PIWIL2: variants seen among roughly 807,000 people sequenced by gnomAD.
PIWIL2 encodes the protein piwi like RNA-mediated gene silencing 2.
PIWIL2 carries 81 observed loss-of-function variants against 116.5 expected under a neutral mutation model. That is an observed-to-expected ratio of 0.70 (90% CI 0.58 to 0.84). The LOEUF (loss-of-function observed/expected upper bound fraction) is 0.84, where lower values mean the gene tolerates loss of function less well. PIWIL2 is among the 40% of genes least tolerant of loss of function. The probability of loss-of-function intolerance (pLI) is 0.00; values close to 1 mark genes in which losing one functional copy is unlikely to be tolerated. For missense variants in PIWIL2, 1,272 were observed against 1,212.3 expected, an observed-to-expected ratio of 1.05 and a Z score of -0.73; for synonymous variants, 489 against 429.5, an observed-to-expected ratio of 1.14 and a Z score of -1.71.
At chr8:22,345,351 A>G (rs1311500078) in intron 20 of PIWIL2, among the ~76,000 whole-genome samples, 1 of 152,220 alleles carries the variant, frequency 6.6e-6, no homozygotes, top group African/African-American at 2.4e-5. Context: ...ATTATTCATA[A>G]TGGCCAGAAA....
intron 20 of PIWIL2, among the ~76,000 whole-genome samples, chr8:22,331,910 T>G (rs1354617055): frequency 6.6e-6 from 1 of 152,112 alleles, no homozygotes; most frequent in East Asian, 1.9e-4. Flanking sequence ...TCTGAGGTAC[T>G]GGGGGTTAGG....
intron 5 of PIWIL2, among the ~76,000 whole-genome samples, chr8:22,283,709 A>G (rs1232058549): frequency 6.6e-6 from 1 of 152,190 alleles, no homozygotes; most frequent in Non-Finnish European, 1.5e-5. Flanking sequence ...GTGTCCGGCC[A>G]AGGTGGGACA....
rs1429281005 is a variant in PIWIL2, at chr8:22,288,732, A to C, written c.986+66A>C. ...TCTTGTATTTACAGTAATGTTCTTC[A>C]AGATACTTGGATGGAAATACGTGAC... On this transcript the variant is annotated intron_variant, in intron 8 of 22. Coordinates refer to ENST00000356766, the MANE Select transcript of PIWIL2 (RefSeq NM_018068.5). The C allele has an allele frequency of 8.6e-6, 12 of 1,392,766 alleles. No individual in the cohort carries two copies. The Admixed American group carries it at 2.2e-4, about 26-fold the overall frequency. The allele number at this position is 1,392,766 out of a possible 1,614,324, so 86.3% of individuals were successfully genotyped here.
intron 13 of PIWIL2, among the ~76,000 whole-genome samples, chr8:22,307,213 G>A (rs980651070): frequency 6.6e-6 from 1 of 152,018 alleles, no homozygotes; most frequent in Admixed American, 6.6e-5. Flanking sequence ...ATACAGATGG[G>A]GTCTAGCTAT....
intron 20 of PIWIL2, among the ~76,000 whole-genome samples, chr8:22,331,795 T>C (rs1831867765): frequency 1.3e-5 from 2 of 152,008 alleles, no homozygotes; most frequent in African/African-American, 4.8e-5. Context: ...CCTCATCTCC[T>C]CTTCTTATGA....
At chr8:22,298,204 G>A (rs1431896546) in intron 10 of PIWIL2, among the ~76,000 whole-genome samples, 1 of 152,014 alleles carries the variant, frequency 6.6e-6, no homozygotes, top group East Asian at 1.9e-4. Context: ...TGCAGTGAGT[G>A]TGAGCCATAA....
chr8:22,349,507 T>C (rs1832308838), intron 20 of PIWIL2, among the ~76,000 whole-genome samples: 1 of 151,426 alleles, frequency 6.6e-6, no homozygotes, highest in Admixed American at 6.6e-5. Context: ...TTTTCTTCAC[T>C]TTTCAACTGA....
chr8:22,310,458 T>A (rs1411387647), intron 15 of PIWIL2, among the ~76,000 whole-genome samples: 1 of 152,178 alleles, frequency 6.6e-6, no homozygotes, highest in Non-Finnish European at 1.5e-5. Flanking sequence ...ACTAGCTATT[T>A]GTATCAAGGT....
chr8:22,317,319 G>C (rs187981050), intron 19 of PIWIL2, among the ~76,000 whole-genome samples: 3 of 152,066 alleles, frequency 2.0e-5, no homozygotes, highest in African/African-American at 7.2e-5. Flanking sequence ...GTTGCCAAAG[G>C]TTTGATGTAT....
intron 10 of PIWIL2, among the ~76,000 whole-genome samples, chr8:22,295,608 A>G (rs373284008): frequency 6.6e-6 from 1 of 152,116 alleles, no homozygotes; most frequent in East Asian, 1.9e-4. Context: ...CCCCGAGAGC[A>G]TGTCCATGTC....
intron 19 of PIWIL2, among the ~76,000 whole-genome samples, chr8:22,317,770 C>A (rs1468189816): frequency 4.6e-5 from 7 of 152,104 alleles, no homozygotes; most frequent in African/African-American, 1.7e-4. Flanking sequence ...CGCCATTCTC[C>A]TGCCTCAGCC....
chr8:22,302,924 CA>C (rs1444283921), intron 10 of PIWIL2, among the ~76,000 whole-genome samples: 1 of 152,214 alleles, frequency 6.6e-6, no homozygotes, highest in African/African-American at 2.4e-5. Context: ...TCAACTTAGA[CA>C]ACAAATCTAG....
chr8:22,307,940 C>T lies in PIWIL2; in HGVS notation c.1553C>T (p.Ala518Val), dbSNP rs77717274. 1 of 1,606,198 alleles carries T rather than the reference C, an allele frequency of 6.2e-7. No individual in the cohort carries two copies. The highest frequency in any genetic ancestry group is 1.3e-5 in the African/African-American group (1 of 74,768). ...TATTTTAATTCTGTTTAGGATTTGG[C>T]TCAGCAAATCAATCTGAGCCCCAAG... ...KKDFRAMKDL[A>V]QQINLSPKQH... is the part of the protein sequence containing the mutation. The change falls in exon 14 of 23, where the codon GCT (alanine) becomes GTT (valine). Residue 518 changes from alanine (A) to valine (V), a missense_variant. Physicochemically the swap from Ala to Val is moderately conservative, Grantham distance 64. Coordinates refer to ENST00000356766, the MANE Select transcript of PIWIL2 (RefSeq NM_018068.5).
chr8:22,351,021 G>T (rs1348654030), intron 20 of PIWIL2, among the ~76,000 whole-genome samples: 1 of 151,878 alleles, frequency 6.6e-6, no homozygotes, highest in African/African-American at 2.4e-5. Flanking sequence ...CACACCTGTA[G>T]TCCCAGCTAG....
chr8:22,293,511 G>A (rs1328079048), intron 10 of PIWIL2, among the ~76,000 whole-genome samples: 1 of 152,048 alleles, frequency 6.6e-6, no homozygotes, highest in Non-Finnish European at 1.5e-5. Context: ...TTTTAGTAGA[G>A]ACAGGGTTTC....
intron 20 of PIWIL2, among the ~76,000 whole-genome samples, chr8:22,336,235 A>G (rs1831978902): frequency 6.6e-6 from 1 of 152,206 alleles, no homozygotes; most frequent in Admixed American, 6.5e-5. Context: ...ATGATAGGCT[A>G]TAAAACAAGG....
chr8:22,298,916 A>G (rs1310379137), intron 10 of PIWIL2, among the ~76,000 whole-genome samples: 1 of 152,234 alleles, frequency 6.6e-6, no homozygotes, highest in African/African-American at 2.4e-5. Flanking sequence ...GCTGGCTTAT[A>G]GAAACAAGGG....
At chr8:22,297,204 G>A (rs968744811) in intron 10 of PIWIL2, among the ~76,000 whole-genome samples, 1 of 151,896 alleles carries the variant, frequency 6.6e-6, no homozygotes, top group Admixed American at 6.6e-5. Flanking sequence ...TGCCAAGGCT[G>A]GTCTCGAACT....
rs1206559513 is a variant in PIWIL2, at chr8:22,335,855, G to A, written c.2404-17104G>A. Among the ~76,000 whole-genome samples the A allele has an allele frequency of 3.3e-5, 5 of 152,172 alleles. 1 individual carries two copies. The highest frequency in any genetic ancestry group is 1.2e-4 in the African/African-American group (5 of 41,514). The stretch of plus-strand genomic sequence containing the variant: ...ATTACAGGCGTGAGCCACTGTGCCC[G>A]GCCTCAGACAAAACAGACTTTTAGA... On this transcript the variant is annotated intron_variant, in intron 20 of 22. Coordinates refer to ENST00000356766, the MANE Select transcript of PIWIL2 (RefSeq NM_018068.5).
Sources: allele counts gnomAD v4.1 joint callset (sites outside exome capture counted in the v4.1 genomes callset), GRCh38; gene constraint gnomAD v4.1.1; transcripts MANE v1.5; gene names NCBI Gene and HGNC (gene_info 2026-07-23, HGNC 2026-07-21).